The following PLD5 variants were observed in gnomAD, a reference collection of about 807,000 sequenced individuals.
The protein encoded by PLD5 is inactive phospholipase D5.
A neutral mutation model predicts 61.1 loss-of-function variants in PLD5; 36 were observed. The observed-to-expected ratio is 0.59, with a 90% CI of 0.45 to 0.78. The LOEUF (loss-of-function observed/expected upper bound fraction) is 0.78, where lower values mean the gene tolerates loss of function less well. Among genes scored for constraint, PLD5 ranks in the 30% least tolerant of loss-of-function variants. PLD5 has a pLI of 0.00. For missense variants in PLD5, 515 were observed against 644.4 expected, an observed-to-expected ratio of 0.80 and a Z score of 2.17; for synonymous variants, 243 against 242.8, an observed-to-expected ratio of 1.00 and a Z score of -0.01.
intron 1 of PLD5, chr1:242,365,545 G>GT (rs1382959547): frequency 6.3e-6 from 1 of 158,840 alleles, no homozygotes; most frequent in East Asian, 1.8e-4. Flanking sequence ...AGCAGATCCC[G>GT]TAAGTCCTCG....
intron 5 of PLD5, among the ~76,000 whole-genome samples, chr1:242,128,555 T>C (rs2148748149): frequency 6.6e-6 from 1 of 152,164 alleles, no homozygotes; most frequent in Non-Finnish European, 1.5e-5. Flanking sequence ...AAGACGAAAA[T>C]CAAGCAAACA....
At chr1:242,138,738 A>T (rs1663938180) in intron 5 of PLD5, among the ~76,000 whole-genome samples, 1 of 152,142 alleles carries the variant, frequency 6.6e-6, no homozygotes, top group Non-Finnish European at 1.5e-5. Context: ...TCCTCCAACA[A>T]TTACTCCATT....
Position 242,258,300 on chromosome 1 carries a change from C to T in PLD5, c.607+7037G>A, listed in dbSNP as rs539112763. On this transcript the variant is annotated intron_variant, in intron 4 of 9. Transcript: ENST00000536534. ...CCTGAATTCTCCGAATTTCCATCCA[C>T]TGAGTATGGTCACTGCACTATAAAG... Among the ~76,000 whole-genome samples the T allele has an allele frequency of 3.3e-3, 509 of 152,306 alleles. 2 individuals are homozygous for T. Among genetic ancestry groups the T allele is most frequent in the African/African-American group, 0.011 (464 of 41,550 alleles).
chr1:242,402,884 C>CA (rs1187010090), intron 1 of PLD5, among the ~76,000 whole-genome samples: 44 of 152,150 alleles, frequency 2.9e-4, no homozygotes, highest in Non-Finnish European at 4.4e-4. Context: ...CTTTAAGAAC[C>CA]AAAAACAGTG....
At chr1:242,475,485 T>A (rs962195555) in intron 1 of PLD5, among the ~76,000 whole-genome samples, 3 of 150,938 alleles carry the variant, frequency 2.0e-5, no homozygotes, top group Non-Finnish European at 4.4e-5. Flanking sequence ...GAATGAAGTC[T>A]CTACCAACAA....
intron 4 of PLD5, among the ~76,000 whole-genome samples, chr1:242,223,247 C>T (rs1457987760): frequency 6.6e-6 from 1 of 152,200 alleles, no homozygotes; most frequent in Non-Finnish European, 1.5e-5. Flanking sequence ...AACCCAGTCA[C>T]TGCCAAATCT....
At chr1:242,325,459 G>C (rs572104607) in intron 2 of PLD5, among the ~76,000 whole-genome samples, 2 of 138,944 alleles carry the variant, frequency 1.4e-5, no homozygotes, top group African/African-American at 5.4e-5. Context: ...TTGGGAGAGA[G>C]GGACAGAGAG....
At chr1:242,345,238 G>A (rs1310478575) in intron 2 of PLD5, among the ~76,000 whole-genome samples, 3 of 152,110 alleles carry the variant, frequency 2.0e-5, no homozygotes, top group African/African-American at 7.2e-5. Flanking sequence ...GTGCTCTGCC[G>A]ATAGGGGATG....
At chr1:242,302,873 T>C (rs1676142309) in intron 2 of PLD5, among the ~76,000 whole-genome samples, 1 of 152,182 alleles carries the variant, frequency 6.6e-6, no homozygotes, top group African/African-American at 2.4e-5. Context: ...GCCCAGAATT[T>C]AGAAGGGTAA....
At chr1:242,191,951 C>A (rs1250916627) in intron 5 of PLD5, among the ~76,000 whole-genome samples, 5 of 152,170 alleles carry the variant, frequency 3.3e-5, no homozygotes, top group Non-Finnish European at 7.4e-5. Flanking sequence ...CTCTCCAGCA[C>A]CTTCCCAGAA....
chr1:242,253,864 T>G (rs1261554740), intron 4 of PLD5, among the ~76,000 whole-genome samples: 1 of 152,354 alleles, frequency 6.6e-6, no homozygotes, highest in Middle Eastern at 3.4e-3. Flanking sequence ...TGGGTACGAC[T>G]ATATTATATG....
intron 1 of PLD5, among the ~76,000 whole-genome samples, chr1:242,512,178 A>G (rs577044432): frequency 1.4e-4 from 22 of 151,816 alleles, no homozygotes; most frequent in South Asian, 4.2e-4. Flanking sequence ...TTGGGAGGCC[A>G]AGGAGGGCAG....
At chr1:242,392,529 G>T (rs1441579210) in intron 1 of PLD5, among the ~76,000 whole-genome samples, 1 of 152,226 alleles carries the variant, frequency 6.6e-6, no homozygotes, top group African/African-American at 2.4e-5. Context: ...TTGAGCCAAA[G>T]CTCTGTCTGC....
intron 2 of PLD5, among the ~76,000 whole-genome samples, chr1:242,330,076 T>C (rs1198916643): frequency 6.6e-6 from 1 of 152,214 alleles, no homozygotes; most frequent in Non-Finnish European, 1.5e-5. Flanking sequence ...TATGATCCTC[T>C]TGAATTAGAT....
intron 5 of PLD5, among the ~76,000 whole-genome samples, chr1:242,161,638 G>A (rs993931057): frequency 4.6e-5 from 7 of 152,134 alleles, no homozygotes; most frequent in African/African-American, 1.7e-4. Flanking sequence ...CGTGAACACT[G>A]CAGATAAATT....
chr1:242,118,459 T>C (rs2148716952), intron 6 of PLD5, among the ~76,000 whole-genome samples: 1 of 152,362 alleles, frequency 6.6e-6, no homozygotes, highest in East Asian at 1.9e-4. Flanking sequence ...GGCATTGCAT[T>C]CATCTGTCTA....
intron 4 of PLD5, among the ~76,000 whole-genome samples, chr1:242,254,083 G>T (rs1171345759): frequency 2.0e-5 from 3 of 152,164 alleles, no homozygotes; most frequent in African/African-American, 7.2e-5. Context: ...TGTAATGTAT[G>T]ATTAAAACCG....
In PLD5 at chr1:242,331,378, A is replaced by G. The variant is rs12727943; in HGVS notation, c.326+16728T>C. 4.8e-3 allele frequency among the ~76,000 whole-genome samples: 735 copies of G among 152,108 alleles called. 4 individuals carry two copies. The highest frequency in any genetic ancestry group is 5.8e-3 in the Non-Finnish European group (391 of 67,840). ...AACTTGACAGTAATGTATACAAAGG[A>G]CAAATGTCACTGCTGCCTTCTTCAC... On this transcript the variant is annotated intron_variant, in intron 2 of 9. Coordinates refer to ENST00000536534, the MANE Select transcript of PLD5 (RefSeq NM_001372062.1).
At chr1:242,349,363 G>T (rs953673642) in intron 1 of PLD5, among the ~76,000 whole-genome samples, 5 of 152,100 alleles carry the variant, frequency 3.3e-5, no homozygotes, top group Non-Finnish European at 5.9e-5. Context: ...AAAGGGAGGA[G>T]GGCACAAATT....
Sources: gnomAD v4.1 joint callset for allele counts (sites outside exome capture counted in the v4.1 genomes callset) on GRCh38, gnomAD v4.1.1 for gene constraint, MANE v1.5 for transcripts, NCBI Gene and HGNC (gene_info 2026-07-23, HGNC 2026-07-21) for gene names.